The following MTTP variants were observed in gnomAD, a reference collection of about 807,000 sequenced individuals.
MTTP encodes microsomal triglyceride transfer protein.
Under a neutral mutation model 90.6 loss-of-function variants are expected in MTTP, and 49 were observed. The ratio of observed to expected loss-of-function variants is 0.54; its 90% CI spans 0.43 to 0.69. The LOEUF is 0.69. Among genes scored for constraint, MTTP ranks in the 30% least tolerant of loss-of-function variants. MTTP has a pLI of 0.00. For synonymous variants in MTTP, 347 were observed against 384.2 expected, an observed-to-expected ratio of 0.90 and a Z score of 1.13; for missense variants, 945 against 1,067.5, an observed-to-expected ratio of 0.89 and a Z score of 1.60.
intron 8 of MTTP, among the ~76,000 whole-genome samples, chr4:99,598,338 A>G (rs1209426172): frequency 3.3e-5 from 5 of 152,146 alleles, no homozygotes; most frequent in African/African-American, 1.2e-4. Context: ...TACCACTCTC[A>G]AAGTACATAG....
intron 2 of MTTP, 86 bp from the exon 3 acceptor site, chr4:99,583,288 T>C: frequency 1.4e-6 from 2 of 1,471,502 alleles, no homozygotes; most frequent in Non-Finnish European, 9.3e-7. Context: ...ACTCTTTCTG[T>C]TTCTTTATCA....
intron 1 of MTTP, among the ~76,000 whole-genome samples, chr4:99,566,803 A>C (rs1560609008): frequency 6.6e-6 from 1 of 152,238 alleles, no homozygotes; most frequent in Admixed American, 6.5e-5. Context: ...TACAGACAGA[A>C]CTAGAACTTT....
intron 1 of MTTP, among the ~76,000 whole-genome samples, chr4:99,565,188 A>G (rs1456123039): frequency 2.0e-5 from 3 of 152,202 alleles, no homozygotes; most frequent in Admixed American, 6.5e-5. Context: ...TGATGTGCCA[A>G]ATCTTTCCAC....
In MTTP at chr4:99,600,730, C is replaced by T. The variant is rs1179169124; in HGVS notation, c.1233C>T (p.Leu411=). The T allele has an allele frequency of 1.9e-6, 3 of 1,613,356 alleles. No homozygotes were observed. The highest frequency in any genetic ancestry group is 1.7e-4 in the Middle Eastern group (1 of 6,056). ...SHPNEELLRA[L]ISKFKGSIGS... is the part of the protein sequence containing the mutation. ...CCAATGAAGAACTCCTGAGAGCCCT[C>T]ATTGTAAGTCAAATAGAAAATAAAG... Residue 411 remains leucine, a synonymous_variant, in exon 9 of 18, where the codon CTC becomes CTT. Coordinates refer to ENST00000265517, the MANE Select transcript of MTTP (RefSeq NM_001386140.1).
intron 1 of MTTP, 24 bp downstream of exon 1, chr4:99,574,994 A>G (rs375134635): frequency 6.8e-6 from 11 of 1,612,974 alleles, no homozygotes; most frequent in Non-Finnish European, 8.5e-6. Flanking sequence ...GCCTTTTGCT[A>G]AACTTTAATT....
chr4:99,580,446 A>G (rs1243058056), intron 1 of MTTP, among the ~76,000 whole-genome samples: 1 of 151,302 alleles, frequency 6.6e-6, no homozygotes, highest in Non-Finnish European at 1.5e-5. Context: ...GTGGTGGCAC[A>G]CACCTGTATT....
chr4:99,589,738 A>G lies in MTTP; in HGVS notation c.489A>G (p.Gly163=), dbSNP rs1442245807. ...TATTTCAGACACAGTTAAGCTCTGG[A>G]ACCACCAATGAGGTACTTACCAATA... ...ASLFQTQLSS[G]TTNEVDISGN... The change falls in exon 4 of 18, where the codon GGA becomes GGG. Residue 163 remains glycine, a synonymous_variant. Coordinates refer to ENST00000265517, the MANE Select transcript of MTTP (RefSeq NM_001386140.1). The G allele has an allele frequency of 3.2e-6, 5 of 1,579,332 alleles. No homozygotes were observed. Among genetic ancestry groups the G allele is most frequent in the Admixed American group, 1.7e-5 (1 of 59,928 alleles).
At chr4:99,564,676 A>G (rs960012908) in intron 1 of MTTP, among the ~76,000 whole-genome samples, 1 of 152,184 alleles carries the variant, frequency 6.6e-6, no homozygotes, top group African/African-American at 2.4e-5. Flanking sequence ...TTTTCTATTT[A>G]GTTTTTTTCT....
In MTTP at chr4:99,594,840, T is replaced by C. The variant is rs748843032; in HGVS notation, c.866T>C (p.Ile289Thr). Residue 289 changes from isoleucine (I) to threonine (T), a missense_variant, in exon 7 of 18, where the codon ATT becomes ACT. Transcript: ENST00000265517. ...GATTCAAAGTACACGGCCATTCCCA[T>C]TGTGGGGCAGGTCTTCCAGAGCCAC... Reference protein sequence around the residue: ...AVDSKYTAIPIVGQVFQSHCK... With the variant: ...AVDSKYTAIPTVGQVFQSHCK... 1 of 1,614,034 alleles carries C rather than the reference T, an allele frequency of 6.2e-7. No homozygotes were observed. Among genetic ancestry groups the C allele is most frequent in the African/African-American group, 1.3e-5 (1 of 75,030 alleles).
intron 4 of MTTP, among the ~76,000 whole-genome samples, chr4:99,590,826 T>A (rs1725395953): frequency 8.1e-6 from 1 of 123,292 alleles, no homozygotes. Flanking sequence ...CATGTTCAGC[T>A]AGTTGAAGTT....
chr4:99,568,468 ACT>A (rs1724758822), intron 1 of MTTP, among the ~76,000 whole-genome samples: 1 of 152,142 alleles, frequency 6.6e-6, no homozygotes, highest in Admixed American at 6.5e-5. Flanking sequence ...AAGTTGCAAA[ACT>A]CTGATGAAAG....
At chr4:99,577,820 G>A (rs1725006626) in intron 1 of MTTP, among the ~76,000 whole-genome samples, 1 of 152,144 alleles carries the variant, frequency 6.6e-6, no homozygotes, top group East Asian at 1.9e-4. Flanking sequence ...CGCCTTCTCT[G>A]TGTTTTCCTT....
intron 3 of MTTP, among the ~76,000 whole-genome samples, chr4:99,586,991 C>G (rs1725273246): frequency 6.6e-6 from 1 of 152,086 alleles, no homozygotes; most frequent in Non-Finnish European, 1.5e-5. Context: ...AGATAAGAAC[C>G]TGTGCTCTTG....
At chr4:99,605,430 C>G (rs114340345) in intron 10 of MTTP, among the ~76,000 whole-genome samples, 6,546 of 152,198 alleles carry the variant, frequency 0.043, 154 homozygotes, top group Non-Finnish European at 0.056. Context: ...TGACAACTGC[C>G]TAGTACTCCA....
At chr4:99,583,658 G>A in intron 3 of MTTP, 141 bp downstream of exon 3, 3 of 1,041,714 alleles carry the variant, frequency 2.9e-6, no homozygotes, top group South Asian at 2.7e-5. Flanking sequence ...AACAGAGGTT[G>A]TAAATTAAAT....
chr4:99,596,240 C>A (rs1363975615), intron 7 of MTTP, among the ~76,000 whole-genome samples: 6 of 152,040 alleles, frequency 3.9e-5, no homozygotes, highest in Admixed American at 3.9e-4. Flanking sequence ...TAAAAACTGG[C>A]AGCAAGTTAT....
chr4:99,591,145 T>A, intron 4 of MTTP, 90 bp from the exon 5 acceptor site: 1 of 935,154 alleles, frequency 1.1e-6, no homozygotes, highest in South Asian at 1.3e-5. Context: ...CTATGGCCTA[T>A]TAGAGACCTC....
In MTTP at chr4:99,591,797, T is replaced by C; in HGVS notation, c.758+7T>C. ...AGGGGAAAATAGTATCGAAGTAAGA[T>C]AATGCTAAAATTTTTATTTTCTTTG... On this transcript the variant is annotated splice_region_variant and intron_variant, in intron 6 of 17. Transcript: ENST00000265517. 1 of 1,605,738 alleles carries C rather than the reference T, an allele frequency of 6.2e-7. No individual in the cohort carries two copies. The highest frequency in any genetic ancestry group is 8.5e-7 in the Non-Finnish European group (1 of 1,173,358).
chr4:99,572,814 T>C (rs1724868746), upstream of MTTP, among the ~76,000 whole-genome samples: 1 of 152,118 alleles, frequency 6.6e-6, no homozygotes, highest in Non-Finnish European at 1.5e-5. Context: ...TTGGCATTCT[T>C]ATGTCATCTG....
Sources: allele counts gnomAD v4.1 joint callset (sites outside exome capture counted in the v4.1 genomes callset), GRCh38; gene constraint gnomAD v4.1.1; transcripts MANE v1.5; gene names NCBI Gene and HGNC (gene_info 2026-07-23, HGNC 2026-07-21).